The following LINGO2 variants were observed in gnomAD, a reference collection of about 807,000 sequenced individuals.
The protein encoded by LINGO2 is leucine rich repeat and Ig domain containing 2.
A neutral mutation model predicts 30.6 loss-of-function variants in LINGO2; 14 were observed. The ratio of observed to expected loss-of-function variants is 0.46; its 90% confidence interval spans 0.30 to 0.72. The LOEUF (loss-of-function observed/expected upper bound fraction) is 0.72, where lower values mean the gene tolerates loss of function less well. Among genes scored for constraint, LINGO2 ranks in the 30% least tolerant of loss-of-function variants. The probability of loss-of-function intolerance (pLI) is 0.07; values close to 1 mark genes in which losing one functional copy is unlikely to be tolerated. For synonymous variants in LINGO2, 317 were observed against 288.5 expected (o/e 1.10, Z -1.00); for missense variants, 729 against 751.7 (o/e 0.97, Z 0.35).
intron 4 of LINGO2, among the ~76,000 whole-genome samples, chr9:28,079,267 C>T (rs777199218): frequency 2.6e-5 from 4 of 152,040 alleles, no homozygotes; most frequent in African/African-American, 7.2e-5. Flanking sequence ...TTTAACTTAG[C>T]AGGCAAAAAC....
intron 4 of LINGO2, among the ~76,000 whole-genome samples, chr9:28,072,887 A>G (rs1825520792): frequency 6.6e-6 from 1 of 152,030 alleles, no homozygotes; most frequent in African/African-American, 2.4e-5. Flanking sequence ...CTCTGATAGC[A>G]CGATATGCCA....
intron 1 of LINGO2, among the ~76,000 whole-genome samples, chr9:28,558,106 C>G (rs1319672639): frequency 3.3e-5 from 5 of 150,582 alleles, no homozygotes; most frequent in Admixed American, 2.0e-4. Context: ...TGTAACTAAG[C>G]TGCACAATGT....
the LINGO2 span, among the ~76,000 whole-genome samples, chr9:28,723,501 C>G: frequency 6.6e-6 from 1 of 152,030 alleles, no homozygotes; most frequent in South Asian, 2.1e-4. Flanking sequence ...CAACCTATCC[C>G]TTAGTGGGGT....
intron 1 of LINGO2, among the ~76,000 whole-genome samples, chr9:28,592,037 A>C (rs952978508): frequency 1.3e-5 from 2 of 152,022 alleles, no homozygotes; most frequent in Non-Finnish European, 2.9e-5. Flanking sequence ...ACAGATATTG[A>C]TCTCTTCCCA....
the LINGO2 span, among the ~76,000 whole-genome samples, chr9:28,850,808 A>C: frequency 6.6e-6 from 1 of 152,002 alleles, no homozygotes; most frequent in Non-Finnish European, 1.5e-5. Flanking sequence ...AGGAGCATCC[A>C]ATGAGTCTCT....
chr9:28,557,969 G>T (rs1335621110), intron 1 of LINGO2, among the ~76,000 whole-genome samples: 10 of 139,870 alleles, frequency 7.1e-5, no homozygotes, highest in Non-Finnish European at 1.4e-4. Context: ...ACACAGGAAG[G>T]GGAACATCAC....
At chr9:28,111,829 T>C (rs1264485915) in intron 4 of LINGO2, among the ~76,000 whole-genome samples, 1 of 152,136 alleles carries the variant, frequency 6.6e-6, no homozygotes, top group Non-Finnish European at 1.5e-5. Flanking sequence ...AGTGATGCAT[T>C]ATTTCTGGAG....
At chr9:29,047,051 A>AAAAAAAAAAAAAAAAAAAAAC in the LINGO2 span, among the ~76,000 whole-genome samples, 19 of 106,968 alleles carry the variant, frequency 1.8e-4, 3 homozygotes, top group East Asian at 6.8e-4. Flanking sequence ...AAAAAAAAAA[A>AAAAAAAAAAAAAAAAAAAAAC]CCAAAAACAA....
the LINGO2 span, among the ~76,000 whole-genome samples, chr9:28,885,594 A>T: frequency 6.6e-6 from 1 of 151,968 alleles, no homozygotes; most frequent in African/African-American, 2.4e-5. Context: ...TAGCAATTAA[A>T]TATTAAAGTC....
chr9:28,107,071 G>A (rs532852292), intron 4 of LINGO2, among the ~76,000 whole-genome samples: 16 of 151,842 alleles, frequency 1.1e-4, no homozygotes, highest in African/African-American at 1.2e-4. Flanking sequence ...TTTGTTTTTC[G>A]GATCTCACTT....
chr9:27,989,372 A>G (rs1380467355), intron 5 of LINGO2, among the ~76,000 whole-genome samples: 3 of 151,770 alleles, frequency 2.0e-5, no homozygotes, highest in African/African-American at 2.4e-5. Context: ...TATCCTACCT[A>G]TTGCTTCATC....
At chr9:28,326,042 T>C (rs1159955914) in intron 3 of LINGO2, among the ~76,000 whole-genome samples, 1 of 152,214 alleles carries the variant, frequency 6.6e-6, no homozygotes, top group Non-Finnish European at 1.5e-5. Context: ...AGTCTCGCTC[T>C]GTCGCTTAGG....
chr9:28,693,213 A>G, the LINGO2 span, among the ~76,000 whole-genome samples: 8 of 152,112 alleles, frequency 5.3e-5, no homozygotes, highest in African/African-American at 1.7e-4. Context: ...TTGTTGGTGC[A>G]CTTCCATTTT....
chr9:28,591,594 T>C (rs1470851452), intron 1 of LINGO2, among the ~76,000 whole-genome samples: 1 of 151,926 alleles, frequency 6.6e-6, no homozygotes. Flanking sequence ...ATGCAACTCT[T>C]CTTGTGTGGG....
the LINGO2 span, among the ~76,000 whole-genome samples, chr9:28,761,789 C>G: frequency 6.6e-6 from 1 of 152,002 alleles, no homozygotes; most frequent in African/African-American, 2.4e-5. Context: ...ACCCCAATTA[C>G]TAGGTAAAGT....
At chr9:28,656,252 T>TAA (rs199777367) in intron 1 of LINGO2, among the ~76,000 whole-genome samples, 1 of 150,698 alleles carries the variant, frequency 6.6e-6, no homozygotes, top group African/African-American at 2.4e-5. Context: ...GGGTTAAAGT[T>TAA]AAAAAAAAAT....
chr9:29,210,357 A>G, the LINGO2 span, among the ~76,000 whole-genome samples: 1 of 152,196 alleles, frequency 6.6e-6, no homozygotes, highest in Admixed American at 6.5e-5. Flanking sequence ...CTTTGGTTTT[A>G]GAGGTGTCTT....
At chr9:28,505,443 T>C (rs1820069599) in intron 1 of LINGO2, among the ~76,000 whole-genome samples, 1 of 151,938 alleles carries the variant, frequency 6.6e-6, no homozygotes, top group Admixed American at 6.6e-5. Flanking sequence ...TAACATTTTA[T>C]TAAGTTTTGG....
At chr9:28,357,325 C>G (rs1024643379) in intron 3 of LINGO2, among the ~76,000 whole-genome samples, 14 of 146,182 alleles carry the variant, frequency 9.6e-5, no homozygotes, top group African/African-American at 2.8e-4. Context: ...GCCCACCCCC[C>G]CCAAAAAAGA....
Sources: allele counts gnomAD v4.1 joint callset (sites outside exome capture counted in the v4.1 genomes callset), GRCh38; gene constraint gnomAD v4.1.1; transcripts MANE v1.5; gene names NCBI Gene and HGNC (gene_info 2026-07-23, HGNC 2026-07-21).